DOCK8: variants seen among roughly 807,000 people sequenced by gnomAD.
DOCK8 encodes dedicator of cytokinesis protein 8.
A neutral mutation model predicts 245.6 loss-of-function variants in DOCK8; 141 were observed. The ratio of observed to expected loss-of-function variants is 0.57; its 90% CI spans 0.50 to 0.66. The LOEUF (loss-of-function observed/expected upper bound fraction) is 0.66. Ranked by LOEUF, DOCK8 falls within the 30% of genes least tolerant of loss-of-function variation. DOCK8 has a pLI of 0.00. For synonymous variants in DOCK8, 1,168 were observed against 970.2 expected (o/e 1.20, Z -3.79); for missense variants, 2,965 against 2,603.4 (o/e 1.14, Z -3.02).
intron 10 of DOCK8, among the ~76,000 whole-genome samples, chr9:333,402 C>G (rs371468693): frequency 1.3e-5 from 2 of 152,124 alleles, no homozygotes; most frequent in Non-Finnish European, 2.9e-5. Flanking sequence ...AAGATTGAGA[C>G]CATCCTGGCC....
At chr9:400,201 A>T (rs1401701377) in intron 26 of DOCK8, among the ~76,000 whole-genome samples, 3 of 107,926 alleles carry the variant, frequency 2.8e-5, no homozygotes, top group Admixed American at 9.4e-5. Context: ...CATCACCATC[A>T]CCACCACCTC....
chr9:286,362 C>T, intron 2 of DOCK8, 99 bp from the exon 3 acceptor site: 2 of 1,389,912 alleles, frequency 1.4e-6, no homozygotes, highest in South Asian at 2.5e-5. Flanking sequence ...GAAGTACTTA[C>T]TAAGTCAAAG....
chr9:312,112 C>A lies in DOCK8; in HGVS notation c.687C>A (p.Ala229=). The change falls in exon 6 of 48, where the codon GCC becomes GCA. Residue 229 remains alanine (A), a synonymous_variant. Transcript: ENST00000432829. ...AEDFEKQNEE[A]RRTNRQAELF... is the part of the protein sequence containing the mutation. ...ACTTTGAGAAGCAGAACGAGGAGGC[C>A]CGGAGGACCAATAGGCAGGCCGAGC... The A allele has an allele frequency of 1.2e-6, 2 of 1,614,158 alleles. No individual in the cohort carries two copies. Among genetic ancestry groups the A allele is most frequent in the Non-Finnish European group, 1.7e-6 (2 of 1,180,032 alleles).
At chr9:432,393 T>G in intron 37 of DOCK8, 69 bp downstream of exon 37, 5 of 1,357,120 alleles carry the variant, frequency 3.7e-6, no homozygotes, top group Non-Finnish European at 5.3e-6. Flanking sequence ...TATGTATGTA[T>G]GTACATATAT....
chr9:435,275 G>A (rs894528577), intron 39 of DOCK8, among the ~76,000 whole-genome samples: 3 of 151,988 alleles, frequency 2.0e-5, no homozygotes, highest in Non-Finnish European at 4.4e-5. Flanking sequence ...ATCGTCGTTG[G>A]GTTTTTTTTA....
chr9:383,357 A>ACC (rs1035933270), intron 22 of DOCK8, among the ~76,000 whole-genome samples: 22 of 152,174 alleles, frequency 1.4e-4, no homozygotes, highest in African/African-American at 5.3e-4. Context: ...ACATGGTGAA[A>ACC]CCCCGTCTCT....
At chr9:324,139 A>G (rs2050647189) in intron 7 of DOCK8, among the ~76,000 whole-genome samples, 1 of 152,234 alleles carries the variant, frequency 6.6e-6, no homozygotes. Context: ...TGGAGGAGGA[A>G]CAGAGTCCAG....
intron 4 of DOCK8, among the ~76,000 whole-genome samples, chr9:297,607 C>G (rs1219219904): frequency 6.6e-6 from 1 of 152,126 alleles, no homozygotes; most frequent in East Asian, 1.9e-4. Context: ...GAAGCTGGGA[C>G]TCTCTTGTAG....
chr9:234,015 G>C (rs1407662511), intron 1 of DOCK8, among the ~76,000 whole-genome samples: 1 of 152,186 alleles, frequency 6.6e-6, no homozygotes, highest in Admixed American at 6.5e-5. Flanking sequence ...AATTTGGCAT[G>C]TTTTTGCAGT....
At chr9:287,864 G>T (rs534723308) in intron 3 of DOCK8, among the ~76,000 whole-genome samples, 3 of 152,132 alleles carry the variant, frequency 2.0e-5, no homozygotes, top group East Asian at 3.9e-4. Flanking sequence ...TCAGAATCTT[G>T]GAAAAAGCTG....
At chr9:342,546 T>C (rs566164815) in intron 14 of DOCK8, among the ~76,000 whole-genome samples, 260 of 152,164 alleles carry the variant, frequency 1.7e-3, no homozygotes, top group African/African-American at 6.1e-3. Flanking sequence ...CTCGGTTCAC[T>C]GCAACCTCCG....
chr9:213,465 A>C (rs1384593782), upstream of DOCK8: 1 of 152,236 alleles, frequency 6.6e-6, no homozygotes, highest in African/African-American at 2.4e-5. Flanking sequence ...CATTTTTAAA[A>C]GGGGAAAACA....
intron 26 of DOCK8, among the ~76,000 whole-genome samples, chr9:401,176 G>A (rs1430019114): frequency 6.6e-6 from 1 of 150,976 alleles, no homozygotes; most frequent in Non-Finnish European, 1.5e-5. Flanking sequence ...AATTTTATGG[G>A]TCTTAATTTC....
chr9:436,291 A>T (rs2056900504), intron 39 of DOCK8, among the ~76,000 whole-genome samples: 1 of 152,250 alleles, frequency 6.6e-6, no homozygotes, highest in African/African-American at 2.4e-5. Flanking sequence ...TGATAATTAA[A>T]TCTCATCCAA....
intron 4 of DOCK8, among the ~76,000 whole-genome samples, chr9:303,346 C>T (rs1332658373): frequency 6.6e-6 from 1 of 152,170 alleles, no homozygotes; most frequent in Admixed American, 6.5e-5. Context: ...GTATGTTCCT[C>T]ACAGCACAAT....
chr9:317,649 C>A (rs1346028601), intron 7 of DOCK8, among the ~76,000 whole-genome samples: 1 of 152,184 alleles, frequency 6.6e-6, no homozygotes, highest in Non-Finnish European at 1.5e-5. Context: ...ATAAATGCAA[C>A]TGAAACTCAG....
intron 26 of DOCK8, among the ~76,000 whole-genome samples, chr9:400,090 A>T (rs1236499914): frequency 9.7e-6 from 1 of 102,582 alleles, no homozygotes. Context: ...CACCACCTCC[A>T]CCATCACCAC....
chr9:349,664 C>T (rs536744931), intron 14 of DOCK8, among the ~76,000 whole-genome samples: 3 of 152,302 alleles, frequency 2.0e-5, no homozygotes, highest in East Asian at 3.9e-4. Flanking sequence ...ACAAGTTTAG[C>T]AGCGTTTCTA....
chr9:244,918 G>A (rs1432165084), intron 1 of DOCK8, among the ~76,000 whole-genome samples: 1 of 152,178 alleles, frequency 6.6e-6, no homozygotes, highest in Non-Finnish European at 1.5e-5. Context: ...GGGGACAGGT[G>A]CCTTTCTCCA....
Sources: allele counts gnomAD v4.1 joint callset (sites outside exome capture counted in the v4.1 genomes callset), GRCh38; gene constraint gnomAD v4.1.1; transcripts MANE v1.5; gene names NCBI Gene and HGNC (gene_info 2026-07-23, HGNC 2026-07-21).